DCAF10: variants seen among roughly 807,000 people sequenced by gnomAD.
DCAF10 encodes the protein DDB1 and CUL4 associated factor 10.
DCAF10 carries 19 observed loss-of-function variants against 51.9 expected under a neutral mutation model. That is an observed-to-expected ratio of 0.37 (90% confidence interval 0.26 to 0.54). DCAF10 has a LOEUF of 0.54. DCAF10 is among the 20% of genes least tolerant of loss of function. DCAF10 has a pLI of 0.87. For synonymous variants in DCAF10, 291 were observed against 297.1 expected, an observed-to-expected ratio of 0.98 and a Z score of 0.21; for missense variants, 510 against 730.6, an observed-to-expected ratio of 0.70 and a Z score of 3.48.
chr9:37,813,946 G>T (rs751833086), intron 1 of DCAF10, among the ~76,000 whole-genome samples: 10 of 151,050 alleles, frequency 6.6e-5, no homozygotes, highest in Non-Finnish European at 1.5e-4. Flanking sequence ...AAAGAAGAAA[G>T]GCTGAATTGT....
intron 1 of DCAF10, among the ~76,000 whole-genome samples, chr9:37,808,659 T>C (rs1187112031): frequency 1.0e-5 from 1 of 99,060 alleles, no homozygotes; most frequent in Non-Finnish European, 1.8e-5. Context: ...ATATAAAATA[T>C]AAATATATTA....
chr9:37,800,814 G>T lies in DCAF10; in HGVS notation c.-53G>T. The T allele has an allele frequency of 6.7e-7, 1 of 1,497,948 alleles. No homozygotes were observed. The highest frequency in any genetic ancestry group is 8.9e-7 in the Non-Finnish European group (1 of 1,129,234). 92.8% of individuals were successfully genotyped at this position (1,497,948 alleles called of 1,614,324 possible). A position where few individuals can be genotyped will look rare whatever the true frequency, so the allele number is the denominator to read the frequency against. ...GAAGTGGCAGCTGAACAGGGGCACT[G>T]AGGTGTCGGCCGGCGGGGCAGTGGC... On this transcript the variant is annotated 5_prime_UTR_variant, in exon 1 of 7. Coordinates refer to ENST00000377724, the MANE Select transcript of DCAF10 (RefSeq NM_024345.5).
chr9:37,845,390 A>C (rs1830445917), intron 3 of DCAF10, among the ~76,000 whole-genome samples: 1 of 152,232 alleles, frequency 6.6e-6, no homozygotes, highest in Admixed American at 6.5e-5. Flanking sequence ...AATATCAGCA[A>C]TAAAAAGGAG....
rs1831153466 is a variant in DCAF10 at position 37,867,156 on chromosome 9, T to C, written c.*5648T>C. On this transcript the variant is annotated 3_prime_UTR_variant, in exon 7 of 7. Coordinates refer to ENST00000377724, the MANE Select transcript of DCAF10 (RefSeq NM_024345.5). ...TACCATTACGCTGCTCTCTTGTAAA[T>C]GAACTAGGGATAAAGATATGGGTTT... 2 of 152,130 alleles carry C rather than the reference T, an allele frequency of 1.3e-5. No homozygotes were observed. The highest frequency in any genetic ancestry group is 2.4e-5 in the African/African-American group (1 of 41,436). The allele number at this position is 152,130 out of a possible 1,614,324, so 9.4% of individuals were successfully genotyped here. A position where few individuals can be genotyped will look rare whatever the true frequency, so the allele number is the denominator to read the frequency against.
intron 2 of DCAF10, among the ~76,000 whole-genome samples, chr9:37,822,424 T>C (rs1475267965): frequency 3.8e-5 from 3 of 79,194 alleles, no homozygotes; most frequent in Non-Finnish European, 8.4e-5. Flanking sequence ...TATATATATA[T>C]ATATATATAT....
chr9:37,825,983 C>T (rs1330034612), intron 2 of DCAF10, among the ~76,000 whole-genome samples: 2 of 151,306 alleles, frequency 1.3e-5, no homozygotes, highest in African/African-American at 2.4e-5. Flanking sequence ...TGTAGTGAGC[C>T]GAGATCGCGT....
chr9:37,864,709 A>G lies in DCAF10; in HGVS notation c.*3201A>G, dbSNP rs1163741262. 1 of 152,216 alleles carries G rather than the reference A, an allele frequency of 6.6e-6. No homozygotes were observed. The highest frequency in any genetic ancestry group is 1.5e-5 in the Non-Finnish European group (1 of 68,038). The allele number at this position is 152,216 out of a possible 1,614,324, so 9.4% of individuals were successfully genotyped here. ...TTGACATTCAAAAGAAGTTTCATAA[A>G]TCGTATCAACTCTGGAAAGAGTTCA... On this transcript the variant is annotated 3_prime_UTR_variant, in exon 7 of 7. Coordinates refer to ENST00000377724, the MANE Select transcript of DCAF10 (RefSeq NM_024345.5).
At chr9:37,835,352 G>A (rs1261509007) in intron 2 of DCAF10, among the ~76,000 whole-genome samples, 8 of 152,244 alleles carry the variant, frequency 5.3e-5, no homozygotes, top group Admixed American at 5.2e-4. Flanking sequence ...GCCAAGGCAG[G>A]CAGATCATTT....
rs1348577737 is a variant in DCAF10 at position 37,866,501 on chromosome 9, G to A, written c.*4993G>A. On this transcript the variant is annotated 3_prime_UTR_variant, in exon 7 of 7. Coordinates refer to ENST00000377724, the MANE Select transcript of DCAF10 (RefSeq NM_024345.5). ...AAATATCTGCTAAGTAATTTGCTAT[G>A]TCTTCTCCCACACTATCAATATGCC... is the stretch of plus-strand genomic sequence containing the variant. The A allele has an allele frequency of 1.3e-5, 2 of 152,176 alleles. No homozygotes were observed. The highest frequency in any genetic ancestry group is 4.8e-5 in the African/African-American group (2 of 41,438). The allele number at this position is 152,176 out of a possible 1,614,324, so 9.4% of individuals were successfully genotyped here.
In DCAF10 at chr9:37,801,286, G is replaced by C; in HGVS notation, c.420G>C (p.Pro140=). The stretch of plus-strand genomic sequence containing the variant: ...TGGGCCGCGGGCTGTTCGTGGACCC[G>C]GCGCGGGACAATTTTCGCACCATGA... ...RSLGRGLFVD[P]ARDNFRTMTS... is the part of the protein sequence containing the mutation. The change falls in exon 1 of 7, where the codon CCG becomes CCC. Residue 140 remains proline, a synonymous_variant. Transcript: ENST00000377724. This position sits in a 1 kb window ranked among gnomAD's most constrained non-coding sequence, Gnocchi z 5.5. The C allele has an allele frequency of 6.3e-7, 1 of 1,596,474 alleles. No individual in the cohort carries two copies. The highest frequency in any genetic ancestry group is 1.7e-5 in the Admixed American group (1 of 58,742).
intron 6 of DCAF10, among the ~76,000 whole-genome samples, chr9:37,860,752 C>G (rs1415622224): frequency 6.6e-6 from 1 of 152,102 alleles, no homozygotes; most frequent in Admixed American, 6.6e-5. Flanking sequence ...CTAGAGGCCA[C>G]AACTGAAAGG....
At chr9:37,842,744 G>C (rs1279283632) in intron 3 of DCAF10, among the ~76,000 whole-genome samples, 2 of 152,170 alleles carry the variant, frequency 1.3e-5, no homozygotes, top group African/African-American at 2.4e-5. Flanking sequence ...TTGTCACTAT[G>C]GGGGAAGAGA....
intron 1 of DCAF10, among the ~76,000 whole-genome samples, chr9:37,805,660 T>A (rs1173561144): frequency 6.6e-6 from 1 of 151,406 alleles, no homozygotes; most frequent in Non-Finnish European, 1.5e-5. Flanking sequence ...GAGAAAAAAA[T>A]TCCAAAAGAA....
rs1475906508 is a variant in DCAF10 at position 37,866,988 on chromosome 9, T to C, written c.*5480T>C. Reference sequence around the variant, plus strand: ...AAACATAGGCTTAAATTATCACGTATTGTTACAAAGACACAGTTTTGTCTC... The same window carrying C: ...AAACATAGGCTTAAATTATCACGTACTGTTACAAAGACACAGTTTTGTCTC... On this transcript the variant is annotated 3_prime_UTR_variant, in exon 7 of 7. Coordinates refer to ENST00000377724, the MANE Select transcript of DCAF10 (RefSeq NM_024345.5). The C allele has an allele frequency of 6.6e-6, 1 of 152,178 alleles. No individual in the cohort carries two copies. Among genetic ancestry groups the C allele is most frequent in the Admixed American group, 6.5e-5 (1 of 15,272 alleles). The allele number at this position is 152,178 out of a possible 1,614,324, so 9.4% of individuals were successfully genotyped here. A position where few individuals can be genotyped will look rare whatever the true frequency, so the allele number is the denominator to read the frequency against.
At chr9:37,856,295 C>T (rs932348655) in intron 4 of DCAF10, among the ~76,000 whole-genome samples, 35 of 152,168 alleles carry the variant, frequency 2.3e-4, no homozygotes, top group Admixed American at 2.2e-3. Flanking sequence ...TAAGTTTTAC[C>T]AACTTACTTG....
chr9:37,834,395 T>C (rs1408246452), intron 2 of DCAF10, among the ~76,000 whole-genome samples: 1 of 152,230 alleles, frequency 6.6e-6, no homozygotes, highest in East Asian at 1.9e-4. Context: ...ATTCCAACTT[T>C]ATATTTTTCT....
intron 3 of DCAF10, among the ~76,000 whole-genome samples, chr9:37,848,256 C>T (rs1423992388): frequency 1.3e-5 from 2 of 152,114 alleles, no homozygotes; most frequent in African/African-American, 4.8e-5. Context: ...TATGGCCACA[C>T]AAAGACTTGT....
At chr9:37,858,221 A>G (rs2118186727) in intron 5 of DCAF10, among the ~76,000 whole-genome samples, 1 of 152,286 alleles carries the variant, frequency 6.6e-6, no homozygotes, top group East Asian at 1.9e-4. Context: ...TTTCTAACCT[A>G]TATGGCCTAT....
intron 1 of DCAF10, among the ~76,000 whole-genome samples, chr9:37,803,152 T>TA (rs1829008369): frequency 6.6e-6 from 1 of 152,160 alleles, no homozygotes; most frequent in African/African-American, 2.4e-5. Flanking sequence ...AATTACACAA[T>TA]TAACATATAT....
Sources: allele counts gnomAD v4.1 joint callset (sites outside exome capture counted in the v4.1 genomes callset), GRCh38; gene constraint gnomAD v4.1.1; non-coding constraint Gnocchi (gnomAD v3.1); transcripts MANE v1.5; gene names NCBI Gene and HGNC (gene_info 2026-07-23, HGNC 2026-07-21).